FAM210A: variants seen among roughly 807,000 people sequenced by gnomAD.
FAM210A encodes mitochondrial inner membrane scaffold 1.
A neutral mutation model predicts 25.3 loss-of-function variants in FAM210A; 13 were observed. That is an observed-to-expected ratio of 0.51 (90% confidence interval 0.33 to 0.82). The LOEUF (loss-of-function observed/expected upper bound fraction) is 0.82, where lower values mean the gene tolerates loss of function less well. Among genes scored for constraint, FAM210A ranks in the 40% least tolerant of loss-of-function variants. The probability of loss-of-function intolerance (pLI) is 0.02; values close to 1 mark genes in which losing one functional copy is unlikely to be tolerated. For missense variants in FAM210A, 319 were observed against 323.2 expected, an observed-to-expected ratio of 0.99 and a Z score of 0.10; for synonymous variants, 125 against 118.7, an observed-to-expected ratio of 1.05 and a Z score of -0.35.
At chr18:13,690,206 A>G (rs940332511) in intron 1 of FAM210A, among the ~76,000 whole-genome samples, 21 of 152,136 alleles carry the variant, frequency 1.4e-4, no homozygotes, top group Non-Finnish European at 2.6e-4. Flanking sequence ...AGGCTGGGGG[A>G]GGGGCATCCG....
At chr18:13,720,778 T>A (rs1192574673) in intron 1 of FAM210A, among the ~76,000 whole-genome samples, 2 of 152,196 alleles carry the variant, frequency 1.3e-5, no homozygotes, top group East Asian at 3.9e-4. Context: ...TCTCCAGCTC[T>A]GGGGTTAGAA....
At chr18:13,687,920 T>C (rs1329663445) in intron 1 of FAM210A, 4 of 152,226 alleles carry the variant, frequency 2.6e-5, no homozygotes, top group Non-Finnish European at 2.9e-5. Flanking sequence ...CAGACCCGCA[T>C]GAATTGGCCA....
chr18:13,684,233 A>G (rs2043577633), intron 1 of FAM210A, among the ~76,000 whole-genome samples: 1 of 152,020 alleles, frequency 6.6e-6, no homozygotes. Flanking sequence ...CATCTCTCCT[A>G]AAAATATAAA....
intron 2 of FAM210A, among the ~76,000 whole-genome samples, chr18:13,679,299 G>A (rs758053383): frequency 6.6e-6 from 1 of 152,074 alleles, no homozygotes; most frequent in Non-Finnish European, 1.5e-5. Context: ...AAATAACACA[G>A]AACTTTTTCC....
At chr18:13,711,475 G>C (rs2043821085) in intron 1 of FAM210A, among the ~76,000 whole-genome samples, 1 of 152,106 alleles carries the variant, frequency 6.6e-6, no homozygotes, top group South Asian at 2.1e-4. Flanking sequence ...ATACCAAAAT[G>C]CTCCTATTAA....
intron 3 of FAM210A, among the ~76,000 whole-genome samples, chr18:13,668,553 A>G (rs888229423): frequency 6.6e-6 from 1 of 152,158 alleles, no homozygotes; most frequent in African/African-American, 2.4e-5. Context: ...ATATCTAATA[A>G]GATCTCAAAC....
At chr18:13,714,329 G>C (rs549592257) in intron 1 of FAM210A, among the ~76,000 whole-genome samples, 1 of 152,122 alleles carries the variant, frequency 6.6e-6, no homozygotes. Flanking sequence ...GGATACCTTC[G>C]AAAGAAAAAC....
intron 1 of FAM210A, among the ~76,000 whole-genome samples, chr18:13,692,866 AG>A (rs2043659499): frequency 6.6e-6 from 1 of 152,208 alleles, no homozygotes; most frequent in Non-Finnish European, 1.5e-5. Context: ...CACATTCAAA[AG>A]CTAGCAGAAG....
At chr18:13,672,491 C>A (rs2043451767) in intron 2 of FAM210A, among the ~76,000 whole-genome samples, 1 of 152,144 alleles carries the variant, frequency 6.6e-6, no homozygotes, top group African/African-American at 2.4e-5. Context: ...TCACTGCAAC[C>A]TCTGACTCCC....
intron 1 of FAM210A, among the ~76,000 whole-genome samples, chr18:13,691,104 C>T (rs373122953): frequency 8.6e-5 from 13 of 152,022 alleles, no homozygotes; most frequent in Admixed American, 3.3e-4. Context: ...AACTACGTGA[C>T]GTGTGCAAAA....
chr18:13,709,842 T>C lies in FAM210A; in HGVS notation c.-29+16487A>G, dbSNP rs183714899. Among the ~76,000 whole-genome samples, 118 of 152,316 alleles carry C rather than the reference T, an allele frequency of 7.7e-4. 1 individual carries two copies. The highest frequency in any genetic ancestry group is 2.7e-3 in the African/African-American group (111 of 41,568). ...CCCAAGTTATTGACCCCATTTTCCT[T>C]GTATTTTTCTACTGCCATTCTCTTT... On this transcript the variant is annotated intron_variant, in intron 1 of 3. Coordinates refer to ENST00000651643, the MANE Select transcript of FAM210A (RefSeq NM_152352.4).
intron 1 of FAM210A, among the ~76,000 whole-genome samples, chr18:13,687,530 T>G (rs2043607753): frequency 6.6e-6 from 1 of 152,084 alleles, no homozygotes; most frequent in African/African-American, 2.4e-5. Flanking sequence ...AGTATGACCT[T>G]CCAGGGGCAC....
At chr18:13,720,535 G>GC (rs1243188696) in intron 1 of FAM210A, among the ~76,000 whole-genome samples, 4 of 152,116 alleles carry the variant, frequency 2.6e-5, no homozygotes, top group Non-Finnish European at 4.4e-5. Flanking sequence ...CAGGTGGAAG[G>GC]CCCCTGAATA....
intron 1 of FAM210A, among the ~76,000 whole-genome samples, chr18:13,714,521 T>TA (rs2043845517): frequency 6.6e-6 from 1 of 152,220 alleles, no homozygotes. Flanking sequence ...AAGAAAGTGA[T>TA]ATGATAAAAG....
chr18:13,693,043 C>A (rs2043661494), intron 1 of FAM210A, among the ~76,000 whole-genome samples: 1 of 152,112 alleles, frequency 6.6e-6, no homozygotes. Flanking sequence ...CAAATAGACA[C>A]AATAAAAAAT....
chr18:13,683,025 T>C (rs1049985962), intron 1 of FAM210A, among the ~76,000 whole-genome samples: 3 of 152,196 alleles, frequency 2.0e-5, no homozygotes, highest in Non-Finnish European at 4.4e-5. Flanking sequence ...ATCTGGGTTC[T>C]GATGCTTTGG....
chr18:13,704,309 A>C (rs1245998986), intron 1 of FAM210A, among the ~76,000 whole-genome samples: 1 of 152,176 alleles, frequency 6.6e-6, no homozygotes, highest in East Asian at 1.9e-4. Flanking sequence ...AAGGTTTATA[A>C]AAACTAATCT....
At position 13,666,582 on chromosome 18, in the gene FAM210A, T is replaced by C; in HGVS notation, c.717A>G (p.Thr239=). Residue 239 remains threonine, a synonymous_variant, in exon 4 of 4, where the codon ACA becomes ACG. Transcript: ENST00000651643. ...KEYLQDRMEE[T]KELITEKMEE... ...CCATTTTCTCTGTGATAAGCTCCTTTGTCTCTTCCATCCTGTCCTGCAGAT... is the reference window on the plus strand; with the variant it reads ...CCATTTTCTCTGTGATAAGCTCCTTCGTCTCTTCCATCCTGTCCTGCAGAT... 1.2e-6 allele frequency: 2 copies of C among 1,614,240 alleles called. No individual in the cohort carries two copies. Among genetic ancestry groups the C allele is most frequent in the South Asian group, 2.2e-5 (2 of 91,090 alleles).
At chr18:13,719,452 T>C (rs866876831) in intron 1 of FAM210A, among the ~76,000 whole-genome samples, 1 of 152,212 alleles carries the variant, frequency 6.6e-6, no homozygotes, top group Non-Finnish European at 1.5e-5. Context: ...GACTTTCTAA[T>C]AGGACTCATC....
Sources: gnomAD v4.1 joint callset for allele counts (sites outside exome capture counted in the v4.1 genomes callset) on GRCh38, gnomAD v4.1.1 for gene constraint, MANE v1.5 for transcripts, NCBI Gene and HGNC (gene_info 2026-07-23, HGNC 2026-07-21) for gene names.